Variants in INPP5F observed in about 807,000 individuals in gnomAD.
INPP5F encodes the protein phosphatidylinositide 4-phosphatase SAC2.
INPP5F carries 97 observed loss-of-function variants against 137.2 expected under a neutral mutation model. The ratio of observed to expected loss-of-function variants is 0.71; its 90% CI spans 0.60 to 0.84. INPP5F has a LOEUF of 0.84. Among genes scored for constraint, INPP5F ranks in the 40% least tolerant of loss-of-function variants. INPP5F has a pLI of 0.00. For synonymous variants in INPP5F, 504 were observed against 476.9 expected (o/e 1.06, Z -0.74); for missense variants, 1,271 against 1,371.9 (o/e 0.93, Z 1.16).
At chr10:119,821,100 G>A (rs1289736580) in intron 16 of INPP5F, among the ~76,000 whole-genome samples, 183 bp downstream of exon 16, 1 of 151,966 alleles carries the variant, frequency 6.6e-6, no homozygotes. Context: ...ATCTTTATCG[G>A]TTTGAAAGCA....
At chr10:119,817,645 G>GA (rs1851330144) in intron 15 of INPP5F, among the ~76,000 whole-genome samples, 1 of 152,032 alleles carries the variant, frequency 6.6e-6, no homozygotes, top group Admixed American at 6.6e-5. Context: ...GTCTTAGTTG[G>GA]AAAAACATGT....
At chr10:119,747,814 G>A (rs1437549020) in intron 1 of INPP5F, among the ~76,000 whole-genome samples, 2 of 152,116 alleles carry the variant, frequency 1.3e-5, no homozygotes, top group African/African-American at 2.4e-5. Flanking sequence ...GTGGAAAATT[G>A]TGTCACCATG....
chr10:119,752,658 T>C (rs1848721918), intron 2 of INPP5F, among the ~76,000 whole-genome samples: 1 of 151,996 alleles, frequency 6.6e-6, no homozygotes, highest in South Asian at 2.1e-4. Flanking sequence ...TTCCCAAATG[T>C]TTCCAATTTC....
At chr10:119,756,890 T>A (rs997975623) in intron 2 of INPP5F, among the ~76,000 whole-genome samples, 2 of 139,726 alleles carry the variant, frequency 1.4e-5, no homozygotes, top group Non-Finnish European at 3.1e-5. Context: ...AAAAAAAGGT[T>A]CTATTTGCCC....
intron 6 of INPP5F, among the ~76,000 whole-genome samples, chr10:119,794,455 A>G (rs1329665511): frequency 7.9e-5 from 12 of 151,946 alleles, no homozygotes; most frequent in Non-Finnish European, 1.0e-4. Context: ...CGATTTCTCA[A>G]TCTTTTCCCC....
intron 1 of INPP5F, among the ~76,000 whole-genome samples, chr10:119,742,146 A>G (rs1221981981): frequency 2.2e-5 from 1 of 45,514 alleles, no homozygotes; most frequent in Non-Finnish European, 4.4e-5. Flanking sequence ...TTTATTTGTT[A>G]TTTTACTTAT....
intron 3 of INPP5F, among the ~76,000 whole-genome samples, chr10:119,783,986 T>A (rs771790747): frequency 2.0e-5 from 3 of 152,244 alleles, no homozygotes; most frequent in Non-Finnish European, 4.4e-5. Context: ...GATTAAAATT[T>A]TAGAAATTTA....
chr10:119,823,471 C>T (rs914031461), intron 18 of INPP5F, among the ~76,000 whole-genome samples: 3 of 152,198 alleles, frequency 2.0e-5, no homozygotes, highest in African/African-American at 7.2e-5. Context: ...TGTCAAGGCT[C>T]TTCACATGTC....
intron 1 of INPP5F, among the ~76,000 whole-genome samples, chr10:119,737,756 G>A (rs1203281524): frequency 6.6e-6 from 1 of 152,186 alleles, no homozygotes; most frequent in Non-Finnish European, 1.5e-5. Flanking sequence ...GCTAACAATT[G>A]GAACTTTTAG....
intron 3 of INPP5F, among the ~76,000 whole-genome samples, chr10:119,785,286 G>GTTTTTTTTTGTTTTTTTTTTTTTTTTTT (rs1849847146): frequency 9.4e-6 from 1 of 106,228 alleles, no homozygotes; most frequent in African/African-American, 3.7e-5. Flanking sequence ...CTGCCAGACT[G>GTTTTTTTTTGTTTTTTTTTTTTTTTTTT]TTTTTTTTTT....
chr10:119,828,564 C>G lies in INPP5F; in HGVS notation c.*784C>G, dbSNP rs964194418. The G allele has an allele frequency of 1.3e-5, 2 of 152,154 alleles. No individual in the cohort carries two copies. The highest frequency in any genetic ancestry group is 1.3e-4 in the Admixed American group (2 of 15,264). The allele number at this position is 152,154 out of a possible 1,614,324, so 9.4% of individuals were successfully genotyped here. A position where few individuals can be genotyped will look rare whatever the true frequency, so the allele number is the denominator to read the frequency against. On this transcript the variant is annotated 3_prime_UTR_variant, in exon 20 of 20. Coordinates refer to ENST00000650623, the MANE Select transcript of INPP5F (RefSeq NM_014937.4). ...TTTAATTTATTCCAGGAGGGGCATC[C>G]TCGACATCTTATGTAGATGATCCAC...
At position 119,726,341 on chromosome 10, in the gene INPP5F, G is replaced by A. The variant is rs992569525; in HGVS notation, c.79G>A (p.Gly27Ser). 1.4e-6 allele frequency: 2 copies of A among 1,461,636 alleles called. No homozygotes were observed. Among genetic ancestry groups the A allele is most frequent in the Non-Finnish European group, 9.1e-7 (1 of 1,102,926 alleles). The allele number at this position is 1,461,636 out of a possible 1,614,324, so 90.5% of individuals were successfully genotyped here. ...GCTGTGGTGCAGCCGCCGCGACGGCGGCCTCCAGCTCCGACCCGGTGAGGC... is the reference window on the plus strand; with the variant it reads ...GCTGTGGTGCAGCCGCCGCGACGGCAGCCTCCAGCTCCGACCCGGTGAGGC... ...RALWCSRRDG[G>S]LQLRPATDLL... Residue 27 changes from glycine to serine, a missense_variant, in exon 1 of 20, where the codon GGC (glycine) becomes AGC (serine). Transcript: ENST00000650623.
chr10:119,735,096 A>G (rs922620512), intron 1 of INPP5F, among the ~76,000 whole-genome samples: 2 of 152,220 alleles, frequency 1.3e-5, no homozygotes, highest in Non-Finnish European at 2.9e-5. Context: ...CCTTCACAAG[A>G]CATACTGGTA....
At chr10:119,763,072 G>A (rs1849052810) in intron 2 of INPP5F, among the ~76,000 whole-genome samples, 1 of 152,212 alleles carries the variant, frequency 6.6e-6, no homozygotes, top group African/African-American at 2.4e-5. Context: ...AAATACAATG[G>A]TGGGACAGAC....
intron 15 of INPP5F, chr10:119,819,516 C>T: frequency 1.2e-6 from 2 of 1,604,184 alleles, no homozygotes; most frequent in Non-Finnish European, 1.7e-6. Flanking sequence ...TGGCTTGGCT[C>T]AAGCAACAAT....
chr10:119,757,500 G>A (rs1045544912), intron 2 of INPP5F, among the ~76,000 whole-genome samples: 1 of 151,846 alleles, frequency 6.6e-6, no homozygotes, highest in Non-Finnish European at 1.5e-5. Context: ...AATAAAAATG[G>A]TAGTCAAGGC....
rs769756590 is a variant in INPP5F, at chr10:119,726,271, C to T, written c.9C>T (p.Leu3=). The T allele has an allele frequency of 6.7e-7, 1 of 1,483,938 alleles. No homozygotes were observed. Among genetic ancestry groups the T allele is most frequent in the Admixed American group, 2.3e-5 (1 of 44,090 alleles). 91.9% of individuals were successfully genotyped at this position (1,483,938 alleles called of 1,614,324 possible). A position where few individuals can be genotyped will look rare whatever the true frequency, so the allele number is the denominator to read the frequency against. ...GGGCGCGCGGGGCCAGCATGGAGCT[C>T]TTCCAAGCCAAGGACCACTACATCC... The part of the protein sequence containing the change: ME[L]FQAKDHYILQ... Residue 3 remains leucine, a synonymous_variant, in exon 1 of 20, where the codon CTC becomes CTT. Transcript: ENST00000650623.
intron 19 of INPP5F, among the ~76,000 whole-genome samples, chr10:119,824,440 TC>T (rs1384442395): frequency 6.6e-6 from 1 of 152,190 alleles, no homozygotes; most frequent in African/African-American, 2.4e-5. Context: ...CAGTGTTCTT[TC>T]CTGATGAAGC....
chr10:119,800,076 T>C (rs907857346), intron 9 of INPP5F, among the ~76,000 whole-genome samples: 1 of 151,526 alleles, frequency 6.6e-6, no homozygotes, highest in Admixed American at 6.6e-5. Flanking sequence ...TATTAAAATT[T>C]TATTAAAATT....
Sources: gnomAD v4.1 joint callset for allele counts (sites outside exome capture counted in the v4.1 genomes callset) on GRCh38, gnomAD v4.1.1 for gene constraint, MANE v1.5 for transcripts, NCBI Gene and HGNC (gene_info 2026-07-23, HGNC 2026-07-21) for gene names.